The following PDZRN3 variants were observed in gnomAD, a reference collection of about 807,000 sequenced individuals.
PDZRN3 encodes the protein PDZ domain containing ring finger 3, also known as E3 ubiquitin-protein ligase PDZRN3.
Under a neutral mutation model 85.7 loss-of-function variants are expected in PDZRN3, and 38 were observed. That is an observed-to-expected ratio of 0.44 (90% CI 0.34 to 0.58). The LOEUF is 0.58. PDZRN3 is among the 20% of genes least tolerant of loss of function. The pLI is 0.01. For missense variants in PDZRN3, 1,629 were observed against 1,506.4 expected (o/e 1.08, Z -1.35); for synonymous variants, 759 against 638.0 (o/e 1.19, Z -2.86).
intron 1 of PDZRN3, among the ~76,000 whole-genome samples, chr3:73,613,830 G>A (rs1044135208): frequency 9.2e-5 from 14 of 151,948 alleles, no homozygotes; most frequent in Admixed American, 7.9e-4. Flanking sequence ...AGATACTTAG[G>A]ACCCCAGCCC....
chr3:73,612,951 T>C (rs537927755), intron 1 of PDZRN3, among the ~76,000 whole-genome samples: 1 of 152,334 alleles, frequency 6.6e-6, no homozygotes, highest in African/African-American at 2.4e-5. Flanking sequence ...GACATTCACA[T>C]AGTTCAACAC....
At chr3:73,521,453 C>CTGTGCACA in intron 3 of PDZRN3, among the ~76,000 whole-genome samples, 1 of 152,048 alleles carries the variant, frequency 6.6e-6, no homozygotes, top group South Asian at 2.1e-4. Flanking sequence ...CTCTGAATTG[C>CTGTGCACA]CTCCAGCACA....
chr3:73,453,413 A>C (rs1366192940), intron 3 of PDZRN3, among the ~76,000 whole-genome samples: 35 of 136,160 alleles, frequency 2.6e-4, no homozygotes, highest in Admixed American at 7.5e-4. Flanking sequence ...TCAAAAAAAA[A>C]AAAAAAAAAA....
At chr3:73,582,751 C>T (rs547314356) in intron 3 of PDZRN3, among the ~76,000 whole-genome samples, 92 of 152,032 alleles carry the variant, frequency 6.1e-4, no homozygotes, top group Non-Finnish European at 1.2e-3. Flanking sequence ...ACTTACCCCG[C>T]GTCTCAGTGG....
intron 3 of PDZRN3, among the ~76,000 whole-genome samples, chr3:73,555,274 C>T (rs559112172): frequency 6.6e-5 from 10 of 152,070 alleles, no homozygotes; most frequent in African/African-American, 1.9e-4. Flanking sequence ...TCACTTGGGA[C>T]GAGGAAGAAA....
At chr3:73,424,807 A>C (rs923944605) in intron 3 of PDZRN3, among the ~76,000 whole-genome samples, 8 of 152,194 alleles carry the variant, frequency 5.3e-5, no homozygotes, top group African/African-American at 1.9e-4. Context: ...AGTCAGGGTG[A>C]AGCAAATTTA....
intron 3 of PDZRN3, among the ~76,000 whole-genome samples, chr3:73,445,983 A>C (rs1702740836): frequency 6.6e-6 from 1 of 152,220 alleles, no homozygotes; most frequent in African/African-American, 2.4e-5. Flanking sequence ...AAACCCATCA[A>C]TGTGCGTCCA....
At chr3:73,406,475 T>C (rs1320891386) in intron 3 of PDZRN3, among the ~76,000 whole-genome samples, 1 of 152,198 alleles carries the variant, frequency 6.6e-6, no homozygotes, top group Non-Finnish European at 1.5e-5. Context: ...TACAGGAATT[T>C]ACAATGCTAC....
chr3:73,421,476 A>G (rs1702201711), intron 3 of PDZRN3, among the ~76,000 whole-genome samples: 2 of 152,182 alleles, frequency 1.3e-5, no homozygotes, highest in Admixed American at 6.5e-5. Context: ...TATGACCCGG[A>G]GAACATAGTA....
intron 3 of PDZRN3, among the ~76,000 whole-genome samples, chr3:73,526,022 G>A (rs1163884458): frequency 1.3e-5 from 2 of 152,126 alleles, no homozygotes; most frequent in South Asian, 2.1e-4. Context: ...GTAGATTGTC[G>A]GCTCCCAATC....
intron 3 of PDZRN3, among the ~76,000 whole-genome samples, chr3:73,497,883 AC>A (rs1386917552): frequency 6.7e-6 from 1 of 148,930 alleles, no homozygotes; most frequent in Non-Finnish European, 1.5e-5. Context: ...GCCCACACCC[AC>A]AAGAACCCCC....
At chr3:73,506,906 A>C (rs1704078645) in intron 3 of PDZRN3, among the ~76,000 whole-genome samples, 1 of 151,100 alleles carries the variant, frequency 6.6e-6, no homozygotes, top group Non-Finnish European at 1.5e-5. Flanking sequence ...AAAAAAAAAA[A>C]AAACAAAAAA....
chr3:73,624,356 G>A lies in PDZRN3; in HGVS notation c.470C>T (p.Ala157Val), dbSNP rs1702928886. ...GLPLTHGEQR[A>V]GGHCCARALR... ...CGCTCGCGCGCAGCAGTGGCCGCCC[G>A]CGCGCTGCTCGCCGTGCGTCAAGGG... is the stretch of plus-strand genomic sequence containing the variant. Residue 157 changes from alanine to valine, a missense_variant, in exon 1 of 10, where the codon GCG (alanine) becomes GTG (valine). Physicochemically the swap from Ala to Val is moderately conservative, Grantham distance 64. Coordinates refer to ENST00000263666, the MANE Select transcript of PDZRN3 (RefSeq NM_015009.3). The A allele has an allele frequency of 1.5e-6, 2 of 1,300,960 alleles. No individual in the cohort carries two copies. The highest frequency in any genetic ancestry group is 2.4e-5 in the South Asian group (1 of 42,492). The allele number at this position is 1,300,960 out of a possible 1,614,324, so 80.6% of individuals were successfully genotyped here.
chr3:73,578,380 C>T (rs1194494098), intron 3 of PDZRN3, among the ~76,000 whole-genome samples: 1 of 152,034 alleles, frequency 6.6e-6, no homozygotes, highest in Non-Finnish European at 1.5e-5. Context: ...CTGTGTTAGC[C>T]AGGATGGTCT....
At chr3:73,604,958 C>T (rs1457036662) in intron 2 of PDZRN3, among the ~76,000 whole-genome samples, 1 of 152,190 alleles carries the variant, frequency 6.6e-6, no homozygotes, top group African/African-American at 2.4e-5. Flanking sequence ...TGGCAGCTCA[C>T]ACCTGCAATC....
At chr3:73,387,941 A>T in intron 8 of PDZRN3, 27 bp downstream of exon 8, 1 of 1,069,774 alleles carries the variant, frequency 9.3e-7, no homozygotes, top group South Asian at 1.4e-5. Context: ...ATATAGACCC[A>T]GTTTCATCTG....
chr3:73,510,371 T>C (rs921192956), intron 3 of PDZRN3, among the ~76,000 whole-genome samples: 2 of 152,182 alleles, frequency 1.3e-5, no homozygotes, highest in Non-Finnish European at 2.9e-5. Flanking sequence ...GAAGAAACAC[T>C]AGCACATATA....
chr3:73,416,891 T>TTTTTTTTTTTTTTTTG (rs1702100237), intron 3 of PDZRN3, among the ~76,000 whole-genome samples: 2 of 139,154 alleles, frequency 1.4e-5, no homozygotes, highest in African/African-American at 5.7e-5. Context: ...TTTTTTTTTT[T>TTTTTTTTTTTTTTTTG]TTTTTTTTTT....
chr3:73,391,401 G>C (rs555689965), intron 5 of PDZRN3, among the ~76,000 whole-genome samples: 1 of 152,308 alleles, frequency 6.6e-6, no homozygotes, highest in South Asian at 2.1e-4. Flanking sequence ...GACTTCTGGG[G>C]CAGGGCTTTT....
Sources: gnomAD v4.1 joint callset for allele counts (sites outside exome capture counted in the v4.1 genomes callset) on GRCh38, gnomAD v4.1.1 for gene constraint, MANE v1.5 for transcripts, NCBI Gene and HGNC (gene_info 2026-07-23, HGNC 2026-07-21) for gene names.